The following CUBN variants were observed in gnomAD, a reference collection of about 807,000 sequenced individuals.
The protein encoded by CUBN is cubilin.
In CUBN, 282 loss-of-function variants were observed where a neutral mutation model predicts 405.3. The observed-to-expected ratio is 0.70, with a 90% CI of 0.63 to 0.77. The LOEUF (loss-of-function observed/expected upper bound fraction) is 0.77, where lower values mean the gene tolerates loss of function less well. Among genes scored for constraint, CUBN ranks in the 30% least tolerant of loss-of-function variants. The probability of loss-of-function intolerance (pLI) is 0.00; values close to 1 mark genes in which losing one functional copy is unlikely to be tolerated. For missense variants in CUBN, 4,514 were observed against 4,475.2 expected, an observed-to-expected ratio of 1.01 and a Z score of -0.25; for synonymous variants, 1,684 against 1,617.0, an observed-to-expected ratio of 1.04 and a Z score of -0.99.
chr10:17,081,837 T>C (rs1464395712), intron 17 of CUBN, among the ~76,000 whole-genome samples: 2 of 152,212 alleles, frequency 1.3e-5, no homozygotes, highest in Non-Finnish European at 2.9e-5. Context: ...AAAATTAAGG[T>C]CCTTGCTGAT....
intron 44 of CUBN, 51 bp downstream of exon 44, chr10:16,919,912 T>TA (rs778127495): frequency 1.9e-6 from 3 of 1,580,110 alleles, no homozygotes; most frequent in South Asian, 1.1e-5. Flanking sequence ...ACATGACGGT[T>TA]AAAAAATACT....
At position 16,836,375 on chromosome 10, in the gene CUBN, C is replaced by A. The variant is rs1480763242; in HGVS notation, c.10040G>T (p.Gly3347Val). ...GCCACAGAACTGAAATCTTGAATTT[C>A]CGTGACCCTGAAATGAAATGGGAGC... ...LQLQDSPQGH[G>V]NSRFQFCGRN... The change falls in exon 63 of 67, where the codon GGA (glycine) becomes GTA (valine). Residue 3347 changes from glycine to valine, a missense_variant. Physicochemically the swap from Gly to Val is moderately radical, Grantham distance 109 (BLOSUM62 -3). Transcript: ENST00000377833. 6.2e-7 allele frequency: 1 copy of A among 1,614,124 alleles called. No homozygotes were observed. The highest frequency in any genetic ancestry group is 1.1e-5 in the South Asian group (1 of 91,070).
intron 17 of CUBN, among the ~76,000 whole-genome samples, chr10:17,082,905 G>A (rs985178750): frequency 9.9e-5 from 15 of 152,040 alleles, no homozygotes; most frequent in Admixed American, 5.2e-4. Context: ...AATAACTCAC[G>A]AAAAGCACTT....
intron 59 of CUBN, among the ~76,000 whole-genome samples, chr10:16,860,604 T>C (rs529629705): frequency 6.6e-6 from 1 of 152,330 alleles, no homozygotes; most frequent in East Asian, 1.9e-4. Context: ...AAACCCAACA[T>C]TTTTATTATT....
chr10:16,975,624 C>CTTTTT lies in CUBN; in HGVS notation c.4695+6855_4695+6859dup, dbSNP rs199779818. On this transcript the variant is annotated intron_variant, in intron 31 of 66. Transcript: ENST00000377833. ...CATTCAAACTTCTCTTAAAGACCTT[C>CTTTTT]TTTTTTTTTTTTTTTTTTTTTTTTT... Among the ~76,000 whole-genome samples, 320 of 124,282 alleles carry CTTTTT rather than the reference C, an allele frequency of 2.6e-3. 4 individuals are homozygous for CTTTTT. Among genetic ancestry groups the CTTTTT allele is most frequent in the Middle Eastern group, 5.0e-3 (1 of 200 alleles). The allele number at this position is 124,282 out of a possible 152,430, so 81.5% of individuals were successfully genotyped here. A position where few individuals can be genotyped will look rare whatever the true frequency, so the allele number is the denominator to read the frequency against.
intron 59 of CUBN, among the ~76,000 whole-genome samples, chr10:16,865,225 C>T (rs1840143397): frequency 6.6e-6 from 1 of 152,044 alleles, no homozygotes; most frequent in African/African-American, 2.4e-5. Flanking sequence ...CTGCCTCAGC[C>T]TCCTAAAGTG....
intron 59 of CUBN, among the ~76,000 whole-genome samples, chr10:16,855,225 T>G (rs1839838295): frequency 6.6e-6 from 1 of 151,642 alleles, no homozygotes; most frequent in Non-Finnish European, 1.5e-5. Flanking sequence ...GGATTACAGG[T>G]GCATGCCACC....
At chr10:16,887,611 G>A (rs6602162) in intron 56 of CUBN, among the ~76,000 whole-genome samples, 7,184 of 152,214 alleles carry the variant, frequency 0.047, 587 homozygotes, top group African/African-American at 0.16. Context: ...ACTCTTCCTC[G>A]TACACTTTTG....
chr10:17,039,282 A>C (rs979257516), intron 27 of CUBN, among the ~76,000 whole-genome samples: 1 of 152,198 alleles, frequency 6.6e-6, no homozygotes, highest in Non-Finnish European at 1.5e-5. Context: ...GAGGTCGTAC[A>C]AAAACGCCAG....
chr10:16,838,523 A>G (rs931758894), intron 62 of CUBN, among the ~76,000 whole-genome samples: 2 of 152,200 alleles, frequency 1.3e-5, no homozygotes, highest in African/African-American at 4.8e-5. Context: ...CTATCATGAT[A>G]ATGATGATGC....
chr10:17,127,993 A>G, intron 2 of CUBN, 69 bp from the exon 3 acceptor site: 1 of 1,138,512 alleles, frequency 8.8e-7, no homozygotes, highest in Non-Finnish European at 1.3e-6. Flanking sequence ...TTACAGTAAC[A>G]TAATTAAAAA....
chr10:16,984,726 T>C (rs1227539830), intron 29 of CUBN, among the ~76,000 whole-genome samples: 1 of 152,220 alleles, frequency 6.6e-6, no homozygotes, highest in African/African-American at 2.4e-5. Context: ...AGTCTTAGCA[T>C]AAAGCCATTT....
Position 16,933,271 on chromosome 10 carries a change from G to A in CUBN, c.5940C>T (p.Gly1980=), listed in dbSNP as rs1473357272. The A allele has an allele frequency of 6.2e-7, 1 of 1,613,532 alleles. No homozygotes were observed. Among genetic ancestry groups the A allele is most frequent in the South Asian group, 1.1e-5 (1 of 91,060 alleles). ...LPTIAPGACG[G]FLRTGDAPVF... ...CGGGTGCATCTCCCGTCCTCAGGAA[G>A]CCACCACAAGCACCTGTAGAATAGA... The change falls in exon 40 of 67, where the codon GGC becomes GGT. Residue 1980 remains glycine (G), a synonymous_variant. Transcript: ENST00000377833.
At chr10:16,833,163 A>G (rs4088455) in intron 64 of CUBN, among the ~76,000 whole-genome samples, 27,952 of 152,076 alleles carry the variant, frequency 0.18, 2,729 homozygotes, top group African/African-American at 0.25. Flanking sequence ...AGTTAGTTGC[A>G]CTGTGACTCC....
At chr10:17,039,267 T>C (rs955659857) in intron 27 of CUBN, among the ~76,000 whole-genome samples, 6 of 152,228 alleles carry the variant, frequency 3.9e-5, no homozygotes. Context: ...GCACTGCGTG[T>C]GTAGGAGGTC....
At chr10:17,087,483 T>TA (rs1836145581) in intron 15 of CUBN, among the ~76,000 whole-genome samples, 7 of 128,954 alleles carry the variant, frequency 5.4e-5, no homozygotes, top group African/African-American at 1.9e-4. Flanking sequence ...TTTTTTTTTT[T>TA]TTTTTTTTTT....
chr10:17,123,923 G>T (rs1837105088), intron 4 of CUBN, among the ~76,000 whole-genome samples: 1 of 152,088 alleles, frequency 6.6e-6, no homozygotes, highest in South Asian at 2.1e-4. Flanking sequence ...TTTGACCACG[G>T]GTGGGATGAA....
intron 39 of CUBN, 134 bp downstream of exon 39, chr10:16,937,458 C>T (rs894051542): frequency 2.1e-5 from 15 of 716,618 alleles, no homozygotes; most frequent in Non-Finnish European, 3.6e-5. Context: ...TTTAAAACAA[C>T]ATCTGAACAT....
At chr10:16,958,326 A>G in intron 31 of CUBN, among the ~76,000 whole-genome samples, 1 of 152,190 alleles carries the variant, frequency 6.6e-6, no homozygotes, top group East Asian at 1.9e-4. Flanking sequence ...TCTCAAGACC[A>G]GCCTGGCCAA....
Sources: gnomAD v4.1 joint callset for allele counts (sites outside exome capture counted in the v4.1 genomes callset) on GRCh38, gnomAD v4.1.1 for gene constraint, MANE v1.5 for transcripts, NCBI Gene and HGNC (gene_info 2026-07-23, HGNC 2026-07-21) for gene names.